Variants in OR2T6 observed in about 807,000 individuals in gnomAD.
OR2T6 encodes the protein olfactory receptor family 2 subfamily T member 6, also known as olfactory receptor 2T6.
For missense variants in OR2T6, 424 were observed against 391.6 expected (o/e 1.08, Z -0.70); for synonymous variants, 174 against 148.0 (o/e 1.18, Z -1.27).
Position 248,375,912 on chromosome 1 carries a change from T to C in OR2T6, c.-301T>C, listed in dbSNP as rs902996927. The stretch of plus-strand genomic sequence containing the variant: ...CTCCTCTCATCTTTTCAAGGAAAGA[T>C]ACTAATATGAAGACAGAAAAAAAGA... On this transcript the variant is annotated 5_prime_UTR_variant, in exon 1 of 3. Coordinates refer to ENST00000641644, the MANE Select transcript of OR2T6 (RefSeq NM_001005471.2). The C allele has an allele frequency of 6.6e-6, 1 of 151,966 alleles. No individual in the cohort carries two copies. Among genetic ancestry groups the C allele is most frequent in the Non-Finnish European group, 1.5e-5 (1 of 67,978 alleles). The allele number at this position is 151,966 out of a possible 1,614,324, so 9.4% of individuals were successfully genotyped here.
chr1:248,387,316 T>A (rs1242239746), intron 2 of OR2T6, among the ~76,000 whole-genome samples: 1 of 152,190 alleles, frequency 6.6e-6, no homozygotes, highest in Non-Finnish European at 1.5e-5. Context: ...GGATCCTCTC[T>A]AGGGCCCAGA....
Position 248,391,758 on chromosome 1 carries a change from G to A in OR2T6, c.*3223G>A, listed in dbSNP as rs1661251818. On this transcript the variant is annotated 3_prime_UTR_variant, in exon 3 of 3. Transcript: ENST00000641644. ...TCTGAACTATCCATTCAATTTTTTG[G>A]TAAACCTCATTGTTCTAAAATATAA... The A allele has an allele frequency of 6.6e-6, 1 of 152,064 alleles. No individual in the cohort carries two copies. The highest frequency in any genetic ancestry group is 2.1e-4 in the South Asian group (1 of 4,828). The allele number at this position is 152,064 out of a possible 1,614,324, so 9.4% of individuals were successfully genotyped here.
At position 248,388,489 on chromosome 1, in the gene OR2T6, A is replaced by C. The variant is rs1661190450; in HGVS notation, c.881A>C (p.Asn294Thr). The change falls in exon 3 of 3, where the codon AAC (asparagine) becomes ACC (threonine). Residue 294 changes from asparagine to threonine, a missense_variant. Transcript: ENST00000641644. Reference sequence around the variant, plus strand: ...AACCCTCTCATCTACAGTCTGAGGAACAGGGATGTGATGGGTGCCTTGAAG... The same window carrying C: ...AACCCTCTCATCTACAGTCTGAGGACCAGGGATGTGATGGGTGCCTTGAAG... Reference protein sequence around the residue: ...LLNPLIYSLRNRDVMGALKRV... With the variant: ...LLNPLIYSLRTRDVMGALKRV... 6.3e-7 allele frequency: 1 copy of C among 1,597,668 alleles called. No homozygotes were observed. The highest frequency in any genetic ancestry group is 8.5e-7 in the Non-Finnish European group (1 of 1,172,126).
In OR2T6 at chr1:248,388,672, G is replaced by A. The variant is rs1661195548; in HGVS notation, c.*137G>A. 3 of 592,874 alleles carry A rather than the reference G, an allele frequency of 5.1e-6. No individual in the cohort carries two copies. Among genetic ancestry groups the A allele is most frequent in the South Asian group, 3.1e-5 (1 of 32,618 alleles). The allele number at this position is 592,874 out of a possible 1,614,324, so 36.7% of individuals were successfully genotyped here. A position where few individuals can be genotyped will look rare whatever the true frequency, so the allele number is the denominator to read the frequency against. On this transcript the variant is annotated 3_prime_UTR_variant, in exon 3 of 3. Transcript: ENST00000641644. ...TTCAATACCAGCTGTGCTAAATGGT[G>A]TATCAACAGTACCCCCATCAAAAAT... is the stretch of plus-strand genomic sequence containing the variant.
rs545627321 is a variant in OR2T6, at chr1:248,378,764, A to G, written c.-159+2710A>G. On this transcript the variant is annotated intron_variant, in intron 1 of 2. Coordinates refer to ENST00000641644, the MANE Select transcript of OR2T6 (RefSeq NM_001005471.2). Reference sequence around the variant, plus strand: ...TATAATCATTTTGACAAATTCCTCTAGAATAATTTTCTATTGCTTTTTAAA... The same window carrying G: ...TATAATCATTTTGACAAATTCCTCTGGAATAATTTTCTATTGCTTTTTAAA... 2.0e-5 allele frequency among the ~76,000 whole-genome samples: 3 copies of G among 152,342 alleles called. No individual in the cohort carries two copies. The East Asian group carries it at 5.8e-4, about 29-fold the overall frequency.
At chr1:248,378,975 C>T (rs752090406) in intron 1 of OR2T6, among the ~76,000 whole-genome samples, 3 of 152,046 alleles carry the variant, frequency 2.0e-5, no homozygotes, top group Non-Finnish European at 4.4e-5. Flanking sequence ...AAGTTCAAGA[C>T]CAGCCTGGAC....
intron 1 of OR2T6, among the ~76,000 whole-genome samples, chr1:248,383,182 A>T (rs536356213): frequency 1.8e-5 from 1 of 56,820 alleles, no homozygotes; most frequent in Non-Finnish European, 3.1e-5. Flanking sequence ...TAGTGTTATC[A>T]TCATGGAGAA....
intron 1 of OR2T6, among the ~76,000 whole-genome samples, chr1:248,379,587 A>G (rs759645138): frequency 6.6e-6 from 1 of 152,178 alleles, no homozygotes; most frequent in Non-Finnish European, 1.5e-5. Flanking sequence ...TTATTAATAT[A>G]CTTCTGAGTT....
chr1:248,387,060 A>G (rs1661146223), intron 2 of OR2T6, among the ~76,000 whole-genome samples: 2 of 152,222 alleles, frequency 1.3e-5, no homozygotes, highest in Non-Finnish European at 2.9e-5. Flanking sequence ...GAGGGAACAC[A>G]TAAGAATGAC....
Position 248,390,067 on chromosome 1 carries a change from A to G in OR2T6, c.*1532A>G, listed in dbSNP as rs1195340575. 6.6e-6 allele frequency: 1 copy of G among 152,166 alleles called. No homozygotes were observed. The highest frequency in any genetic ancestry group is 2.4e-5 in the African/African-American group (1 of 41,436). 9.4% of individuals were successfully genotyped at this position (152,166 alleles called of 1,614,324 possible). A position where few individuals can be genotyped will look rare whatever the true frequency, so the allele number is the denominator to read the frequency against. On this transcript the variant is annotated 3_prime_UTR_variant, in exon 3 of 3. Coordinates refer to ENST00000641644, the MANE Select transcript of OR2T6 (RefSeq NM_001005471.2). ...CAGAGTCCTCCCATGAGAACTGATCATGGAAGAGTGTGCTTGTTTGAGTCC... is the reference window on the plus strand; with the variant it reads ...CAGAGTCCTCCCATGAGAACTGATCGTGGAAGAGTGTGCTTGTTTGAGTCC...
intron 2 of OR2T6, among the ~76,000 whole-genome samples, chr1:248,385,619 C>T (rs1353873492): frequency 6.6e-6 from 1 of 152,180 alleles, no homozygotes; most frequent in East Asian, 1.9e-4. Context: ...AAATAACTCA[C>T]AAGACAATGC....
Position 248,384,800 on chromosome 1 carries a change from G to T in OR2T6, c.-69G>T, listed in dbSNP as rs1408231961. The stretch of plus-strand genomic sequence containing the variant: ...GGATCTGCATTTTGGGTGGACAGTG[G>T]ACAGAATAAATCTTCAGCCCGTTTT... On this transcript the variant is annotated 5_prime_UTR_variant, in exon 2 of 3. Transcript: ENST00000641644. The T allele has an allele frequency of 6.7e-6, 1 of 149,774 alleles. No individual in the cohort carries two copies. The highest frequency in any genetic ancestry group is 1.5e-5 in the Non-Finnish European group (1 of 68,062). 9.3% of individuals were successfully genotyped at this position (149,774 alleles called of 1,614,324 possible). A position where few individuals can be genotyped will look rare whatever the true frequency, so the allele number is the denominator to read the frequency against.
At position 248,387,887 on chromosome 1, in the gene OR2T6, T is replaced by C. The variant is rs141312980; in HGVS notation, c.279T>C (p.Ser93=). The C allele has an allele frequency of 3.1e-5, 50 of 1,596,150 alleles. No homozygotes were observed. In the African/African-American group the frequency reaches 5.5e-4, roughly 18 times the overall value. ...VDYLMGEGTI[S]FIACTAQCFL... ...ATCTCATGGGCGAGGGGACCATCTC[T>C]TTCATCGCCTGCACTGCTCAGTGCT... The change falls in exon 3 of 3, where the codon TCT becomes TCC. Residue 93 remains serine, a synonymous_variant. Coordinates refer to ENST00000641644, the MANE Select transcript of OR2T6 (RefSeq NM_001005471.2).
chr1:248,387,641 C>A lies in OR2T6; in HGVS notation c.33C>A (p.Gly11=), dbSNP rs60321142. Residue 11 remains glycine (G), a synonymous_variant, in exon 3 of 3, where the codon GGC becomes GGA. Transcript: ENST00000641644. The part of the protein sequence containing the change: MNENNETLTR[G]FTLMGLFTHN... ...AAAACAATGAAACCTTGACCAGAGGCTTTACCCTCATGGGGCTCTTCACTC... is the reference window on the plus strand; with the variant it reads ...AAAACAATGAAACCTTGACCAGAGGATTTACCCTCATGGGGCTCTTCACTC... 1.0e-3 allele frequency: 1,678 copies of A among 1,604,894 alleles called. 20 individuals carry two copies. The African/African-American group carries it at 0.02, about 19-fold the overall frequency.
intron 2 of OR2T6, among the ~76,000 whole-genome samples, chr1:248,385,123 G>A (rs114350336): frequency 8.3e-4 from 127 of 152,246 alleles, no homozygotes; most frequent in African/African-American, 2.9e-3. Flanking sequence ...AAGCAGAGAA[G>A]CAGACCCTGC....
At chr1:248,381,782 A>T (rs1661037943) in intron 1 of OR2T6, among the ~76,000 whole-genome samples, 1 of 152,066 alleles carries the variant, frequency 6.6e-6, no homozygotes, top group Non-Finnish European at 1.5e-5. Flanking sequence ...GTTTACTGTT[A>T]GTAATATTAC....
At chr1:248,383,054 G>T (rs548239152) in intron 1 of OR2T6, among the ~76,000 whole-genome samples, 9,955 of 144,242 alleles carry the variant, frequency 0.069, 1,016 homozygotes, top group African/African-American at 0.26. Flanking sequence ...TCATCATGGA[G>T]AAAGCACTGC....
chr1:248,378,815 A>G (rs1168569358), intron 1 of OR2T6, among the ~76,000 whole-genome samples: 1 of 152,186 alleles, frequency 6.6e-6, no homozygotes, highest in African/African-American at 2.4e-5. Flanking sequence ...TTAGTTTTAT[A>G]AATGTTCTCC....
In OR2T6 at chr1:248,388,599, A is replaced by G. The variant is rs1661194198; in HGVS notation, c.*64A>G. 4 of 1,267,420 alleles carry G rather than the reference A, an allele frequency of 3.2e-6. No individual in the cohort carries two copies. The highest frequency in any genetic ancestry group is 2.2e-6 in the Non-Finnish European group (2 of 915,514). The allele number at this position is 1,267,420 out of a possible 1,614,324, so 78.5% of individuals were successfully genotyped here. A position where few individuals can be genotyped will look rare whatever the true frequency, so the allele number is the denominator to read the frequency against. On this transcript the variant is annotated 3_prime_UTR_variant, in exon 3 of 3. Transcript: ENST00000641644. The stretch of plus-strand genomic sequence containing the variant: ...TAAAACCTCCACATCCTGTTCAGGC[A>G]TATATGGGGTCGTATCATGGATACC...
Sources: gnomAD v4.1 joint callset for allele counts (sites outside exome capture counted in the v4.1 genomes callset) on GRCh38, gnomAD v4.1.1 for gene constraint, MANE v1.5 for transcripts, NCBI Gene and HGNC (gene_info 2026-07-23, HGNC 2026-07-21) for gene names.